The following GOLIM4 variants were observed in gnomAD, a reference collection of about 807,000 sequenced individuals.
GOLIM4 encodes golgi integral membrane protein 4.
Under a neutral mutation model 107.4 loss-of-function variants are expected in GOLIM4, and 71 were observed. That is an observed-to-expected ratio of 0.66 (90% CI 0.55 to 0.81). The LOEUF is 0.81. GOLIM4 is among the 30% of genes least tolerant of loss of function. The probability of loss-of-function intolerance (pLI) is 0.00; values close to 1 mark genes in which losing one functional copy is unlikely to be tolerated. For synonymous variants in GOLIM4, 327 were observed against 294.8 expected (o/e 1.11, Z -1.12); for missense variants, 830 against 826.1 (o/e 1.00, Z -0.06).
chr3:168,094,161 G>A (rs1287003168), intron 1 of GOLIM4, among the ~76,000 whole-genome samples: 1 of 152,180 alleles, frequency 6.6e-6, no homozygotes, highest in Non-Finnish European at 1.5e-5. Context: ...AGAGGACATG[G>A]TGCTGACTTT....
chr3:168,046,702 T>C (rs1334701816), intron 3 of GOLIM4, among the ~76,000 whole-genome samples: 2 of 152,272 alleles, frequency 1.3e-5, no homozygotes, highest in Admixed American at 1.3e-4. Flanking sequence ...AATAATCTTC[T>C]TTTTATAGTT....
At chr3:168,051,715 G>A (rs912030142) in intron 1 of GOLIM4, among the ~76,000 whole-genome samples, 5 of 152,170 alleles carry the variant, frequency 3.3e-5, no homozygotes, top group African/African-American at 1.2e-4. Flanking sequence ...ACAAGCCGTC[G>A]TTATAACAGC....
rs946739697 is a variant in GOLIM4, at chr3:168,057,534, T to A, written c.188-9169A>T. Among the ~76,000 whole-genome samples, 58 of 152,020 alleles carry A rather than the reference T, an allele frequency of 3.8e-4. 1 individual carries two copies. The highest frequency in any genetic ancestry group is 1.3e-3 in the African/African-American group (52 of 41,358). ...AGGGGCAAGTGCCACTTTTAAACCA[T>A]CAGATCTTGTAAGAACTCCCTCACT... is the stretch of plus-strand genomic sequence containing the variant. On this transcript the variant is annotated intron_variant, in intron 1 of 15. Transcript: ENST00000470487.
At chr3:168,048,250 G>T (rs763606995) in intron 2 of GOLIM4, 41 bp downstream of exon 2, 1 of 1,020,108 alleles carries the variant, frequency 9.8e-7, no homozygotes, top group Non-Finnish European at 1.5e-6. Flanking sequence ...TCAAAGAAGA[G>T]TACTGGAAAA....
intron 1 of GOLIM4, among the ~76,000 whole-genome samples, chr3:168,065,633 T>C (rs1720511561): frequency 6.6e-6 from 1 of 152,236 alleles, no homozygotes; most frequent in South Asian, 2.1e-4. Flanking sequence ...CCTTGTCTTG[T>C]ATATGACTTT....
chr3:168,029,879 C>T lies in GOLIM4; in HGVS notation c.1334G>A (p.Arg445Gln), dbSNP rs980596908. The T allele has an allele frequency of 6.8e-6, 11 of 1,614,116 alleles. No homozygotes were observed. Among genetic ancestry groups the T allele is most frequent in the South Asian group, 1.1e-5 (1 of 91,074 alleles). The change falls in exon 10 of 16, where the codon CGG becomes CAG. Residue 445 changes from arginine (R) to glutamine (Q), a missense_variant. Arg to Gln is a conservative substitution (Grantham distance 43, BLOSUM62 1). Coordinates refer to ENST00000470487, the MANE Select transcript of GOLIM4 (RefSeq NM_014498.5). ...HQQRLQGHLL[R>Q]QQEQQQQQVA... is the part of the protein sequence containing the mutation. ...CTGCTGCTGCTGCTGTTCCTGCTGC[C>T]GTAGTAAGTGCCCCTGCAGCCTCTG...
At chr3:168,038,491 G>A (rs945335915) in intron 7 of GOLIM4, among the ~76,000 whole-genome samples, 5 of 152,176 alleles carry the variant, frequency 3.3e-5, no homozygotes, top group African/African-American at 4.8e-5. Context: ...AGAGTTAAGC[G>A]TGATTTCAAA....
chr3:168,041,102 C>A, intron 6 of GOLIM4: 1 of 494,466 alleles, frequency 2.0e-6, no homozygotes, highest in East Asian at 3.2e-5. Context: ...AAATCAAAAC[C>A]AAAGAAACAA....
chr3:168,051,829 C>T (rs1023334733), intron 1 of GOLIM4, among the ~76,000 whole-genome samples: 4 of 151,886 alleles, frequency 2.6e-5, no homozygotes, highest in African/African-American at 7.3e-5. Context: ...GCAGCGGTGA[C>T]GGATGGAGAC....
chr3:168,059,494 G>A (rs567946052), intron 1 of GOLIM4, among the ~76,000 whole-genome samples: 1 of 152,214 alleles, frequency 6.6e-6, no homozygotes, highest in South Asian at 2.1e-4. Context: ...CTTATTTAAG[G>A]TTACTACTGC....
chr3:168,029,781 G>T lies in GOLIM4; in HGVS notation c.1432C>A (p.Arg478=). 1.2e-6 allele frequency: 2 copies of T among 1,612,664 alleles called. No individual in the cohort carries two copies. Among genetic ancestry groups the T allele is most frequent in the Non-Finnish European group, 1.7e-6 (2 of 1,179,286 alleles). Residue 478 remains arginine, a splice_region_variant and synonymous_variant, in exon 10 of 16, where the codon CGG becomes AGG. Coordinates refer to ENST00000470487, the MANE Select transcript of GOLIM4 (RefSeq NM_014498.5). ...EGRPQHQEQL[R]QQAHYDAMDN... ...TTCATTAAGGAAGGGGAAGGCTACC[G>T]GAGCTGCTCCTGGTGCTGCGGCCGG...
chr3:168,019,022 G>A (rs1190127316), intron 14 of GOLIM4, among the ~76,000 whole-genome samples: 1 of 151,010 alleles, frequency 6.6e-6, no homozygotes, highest in Admixed American at 6.6e-5. Flanking sequence ...TAGACAATAC[G>A]TAAACAAGCA....
Position 168,015,733 on chromosome 3 carries a change from G to A in GOLIM4, c.1861-4910C>T, listed in dbSNP as rs1234832299. Among the ~76,000 whole-genome samples the A allele has an allele frequency of 1.3e-4, 18 of 134,972 alleles. 2 individuals are homozygous for A. In the East Asian group the frequency reaches 1.6e-3, roughly 12 times the overall value. The allele number at this position is 134,972 out of a possible 152,430, so 88.5% of individuals were successfully genotyped here. A position where few individuals can be genotyped will look rare whatever the true frequency, so the allele number is the denominator to read the frequency against. Reference sequence around the variant, plus strand: ...ACAGAACAGAGCCCTCAGAAATAACGTCGCATATCTACAACTATCTGATCT... The same window carrying A: ...ACAGAACAGAGCCCTCAGAAATAACATCGCATATCTACAACTATCTGATCT... On this transcript the variant is annotated intron_variant, in intron 14 of 15. Coordinates refer to ENST00000470487, the MANE Select transcript of GOLIM4 (RefSeq NM_014498.5).
At position 168,095,492 on chromosome 3, in the gene GOLIM4, G is replaced by C. The variant is rs1249346148; in HGVS notation, c.-207C>G. ...CGCAGCCATCGACGCCGCCCGGGCA[G>C]CTGCAGCCAAACTTCTGCGAGGCTC... On this transcript the variant is annotated 5_prime_UTR_variant, in exon 1 of 16. Coordinates refer to ENST00000470487, the MANE Select transcript of GOLIM4 (RefSeq NM_014498.5). 1.9e-6 allele frequency: 1 copy of C among 525,350 alleles called. No individual in the cohort carries two copies. Among genetic ancestry groups the C allele is most frequent in the Non-Finnish European group, 3.3e-6 (1 of 300,478 alleles). 32.5% of individuals were successfully genotyped at this position (525,350 alleles called of 1,614,324 possible).
At chr3:168,050,882 C>T (rs1194138162) in intron 1 of GOLIM4, among the ~76,000 whole-genome samples, 1 of 146,402 alleles carries the variant, frequency 6.8e-6, no homozygotes, top group Non-Finnish European at 1.5e-5. Context: ...AACCTAGCAG[C>T]ATAGTCAAGA....
intron 8 of GOLIM4, among the ~76,000 whole-genome samples, chr3:168,033,384 T>A (rs1213483595): frequency 6.6e-6 from 1 of 151,846 alleles, no homozygotes; most frequent in African/African-American, 2.4e-5. Flanking sequence ...GGCGGGTGGA[T>A]CACGAGGTCA....
At chr3:168,074,627 A>G (rs1720981433) in intron 1 of GOLIM4, among the ~76,000 whole-genome samples, 3 of 152,240 alleles carry the variant, frequency 2.0e-5, no homozygotes. Context: ...TATGTTACAA[A>G]GAATCATCTT....
Position 168,047,008 on chromosome 3 carries a change from T to C in GOLIM4, c.263-9A>G. On this transcript the variant is annotated splice_polypyrimidine_tract_variant and intron_variant, in intron 2 of 15. Coordinates refer to ENST00000470487, the MANE Select transcript of GOLIM4 (RefSeq NM_014498.5). The stretch of plus-strand genomic sequence containing the variant: ...CTTATAAACAAGAAAATCTAGAAAA[T>C]ACAAGATGGAAAAAAACAGTGATAA... The C allele has an allele frequency of 8.3e-7, 1 of 1,210,220 alleles. No homozygotes were observed. Among genetic ancestry groups the C allele is most frequent in the East Asian group, 2.6e-5 (1 of 38,172 alleles). The allele number at this position is 1,210,220 out of a possible 1,614,324, so 75.0% of individuals were successfully genotyped here.
chr3:168,085,730 T>C (rs1418200949), intron 1 of GOLIM4, among the ~76,000 whole-genome samples: 1 of 152,154 alleles, frequency 6.6e-6, no homozygotes, highest in African/African-American at 2.4e-5. Flanking sequence ...CCTGGAGAAC[T>C]ATTCCCAGGC....
Sources: gnomAD v4.1 joint callset for allele counts (sites outside exome capture counted in the v4.1 genomes callset) on GRCh38, gnomAD v4.1.1 for gene constraint, MANE v1.5 for transcripts, NCBI Gene and HGNC (gene_info 2026-07-23, HGNC 2026-07-21) for gene names.